Variants in COL4A6 observed in about 807,000 individuals in gnomAD.
The protein encoded by COL4A6 is collagen alpha-6(IV) chain.
A neutral mutation model predicts 126.7 loss-of-function variants in COL4A6; 59 were observed. That is an observed-to-expected ratio of 0.47 (90% confidence interval 0.38 to 0.58). The LOEUF (loss-of-function observed/expected upper bound fraction) is 0.58, where lower values mean the gene tolerates loss of function less well. COL4A6 is among the 20% of genes least tolerant of loss of function. COL4A6 has a pLI of 0.00. For synonymous variants in COL4A6, 547 were observed against 496.6 expected (o/e 1.10, Z -1.35); for missense variants, 1,285 against 1,337.3 (o/e 0.96, Z 0.61).
intron 3 of COL4A6, among the ~76,000 whole-genome samples, chrX:108,281,978 C>T (rs767958614): frequency 9.1e-6 from 1 of 110,335 alleles, no homozygotes; most frequent in South Asian, 3.9e-4. Context: ...TTCCTTACAC[C>T]TTATACAAAA....
chrX:108,382,962 A>AAATAATAATAAT (rs4035941), intron 2 of COL4A6, among the ~76,000 whole-genome samples: 6,776 of 88,180 alleles, frequency 0.077, 294 homozygotes, highest in Middle Eastern at 0.13. Context: ...CCCCCGCCAA[A>AAATAATAATAAT]AATAATAATA....
At chrX:108,375,603 A>G (rs145118754) in intron 2 of COL4A6, among the ~76,000 whole-genome samples, 188 of 109,563 alleles carry the variant, frequency 1.7e-3, no homozygotes, top group African/African-American at 5.9e-3. Context: ...GATTTCTAAC[A>G]TTTGCAGTTC....
intron 3 of COL4A6, among the ~76,000 whole-genome samples, chrX:108,272,171 T>C (rs913231286): frequency 8.9e-6 from 1 of 111,746 alleles, no homozygotes; most frequent in East Asian, 2.8e-4. Flanking sequence ...TGTTCCCTCA[T>C]GATTTGCTTA....
chrX:108,427,433 C>T (rs1489153298), intron 2 of COL4A6, among the ~76,000 whole-genome samples: 2 of 111,681 alleles, frequency 1.8e-5, no homozygotes, highest in Non-Finnish European at 3.8e-5. Flanking sequence ...ACTTAACTTC[C>T]TAAGAGAAGA....
chrX:108,204,953 T>C (rs774816717), intron 11 of COL4A6, among the ~76,000 whole-genome samples: 1 of 104,944 alleles, frequency 9.5e-6, no homozygotes, highest in Non-Finnish European at 2.0e-5. Flanking sequence ...TAAAAGAGAA[T>C]GGTGAAAGAG....
chrX:108,159,450 G>A lies in COL4A6; in HGVS notation c.4812+12C>T, dbSNP rs1045170192. 2.5e-6 allele frequency: 3 copies of A among 1,211,521 alleles called. No homozygotes were observed. The highest frequency in any genetic ancestry group is 3.4e-6 in the Non-Finnish European group (3 of 895,195). On this transcript the variant is annotated intron_variant, in intron 44 of 44. Coordinates refer to ENST00000334504, the MANE Select transcript of COL4A6 (RefSeq NM_033641.4). ...GCCTCCAACTGGGGGAGGAGACAGT[G>A]CAGGACCTTACCATGAGGAAAGAGT...
chrX:108,328,450 A>G (rs1569427378), intron 2 of COL4A6, among the ~76,000 whole-genome samples: 1 of 110,631 alleles, frequency 9.0e-6, no homozygotes, highest in African/African-American at 3.3e-5. Context: ...AGAGAGAGAA[A>G]TGGAATATGA....
intron 18 of COL4A6, 36 bp downstream of exon 18, chrX:108,192,436 GA>G: frequency 9.9e-7 from 1 of 1,010,117 alleles, no homozygotes; most frequent in Non-Finnish European, 1.4e-6. Context: ...GTGTATAGAG[GA>G]CTGATCTGTG....
intron 2 of COL4A6, among the ~76,000 whole-genome samples, chrX:108,344,040 G>C (rs2039653385): frequency 9.0e-6 from 1 of 110,812 alleles, no homozygotes; most frequent in Non-Finnish European, 1.9e-5. Flanking sequence ...CCACTTTACT[G>C]GTTGTAGTTA....
chrX:108,189,264 G>A (rs1310191549), intron 20 of COL4A6, among the ~76,000 whole-genome samples: 2 of 112,122 alleles, frequency 1.8e-5, no homozygotes, highest in African/African-American at 6.5e-5. Context: ...AAAACTCTAA[G>A]AGAATAGTCT....
At position 108,191,392 on chromosome X, in the gene COL4A6, C is replaced by T. The variant is rs1273892576; in HGVS notation, c.1321+1G>A. On this transcript the variant is annotated splice_donor_variant, in intron 19 of 44. Coordinates refer to ENST00000334504, the MANE Select transcript of COL4A6 (RefSeq NM_033641.4). LOFTEE classifies it high-confidence loss of function. ...ACCAAAAAGAGAAATGAGTAACTTA[C>T]TAGGTGGGCCTGGTGGACCTGGTGG... is the stretch of plus-strand genomic sequence containing the variant. 1 of 1,207,021 alleles carries T rather than the reference C, an allele frequency of 8.3e-7. No homozygotes were observed. Among genetic ancestry groups the T allele is most frequent in the Non-Finnish European group, 1.1e-6 (1 of 894,015 alleles).
At chrX:108,400,565 G>T (rs1204412421) in intron 2 of COL4A6, among the ~76,000 whole-genome samples, 2 of 111,140 alleles carry the variant, frequency 1.8e-5, no homozygotes, top group Admixed American at 1.9e-4. Flanking sequence ...AGAGAAAAAT[G>T]CCTTTTGCAA....
At chrX:108,169,657 T>C in intron 36 of COL4A6, 37 bp from the exon 37 acceptor site, 2 of 1,180,870 alleles carry the variant, frequency 1.7e-6, no homozygotes, top group South Asian at 1.9e-5. Flanking sequence ...CAGACCTCAG[T>C]GGAGGTGAGG....
chrX:108,429,058 G>T (rs1488767948), intron 2 of COL4A6, among the ~76,000 whole-genome samples: 1 of 112,285 alleles, frequency 8.9e-6, no homozygotes, highest in African/African-American at 3.2e-5. Flanking sequence ...GACTGATGAA[G>T]AGAGAATTAA....
intron 25 of COL4A6, 46 bp downstream of exon 25, chrX:108,180,469 A>T: frequency 5.8e-6 from 6 of 1,034,292 alleles, no homozygotes; most frequent in Non-Finnish European, 8.1e-6. Context: ...ACACACACAC[A>T]CATACACACA....
At chrX:108,164,734 C>T in intron 39 of COL4A6, 36 bp from the exon 40 acceptor site, 1 of 1,197,518 alleles carries the variant, frequency 8.4e-7, no homozygotes, top group South Asian at 1.8e-5. Context: ...CAGGTCCCGG[C>T]ATGGTAGGGG....
At chrX:108,326,117 C>A (rs747779439) in intron 2 of COL4A6, among the ~76,000 whole-genome samples, 1 of 111,964 alleles carries the variant, frequency 8.9e-6, no homozygotes, top group Admixed American at 9.5e-5. Context: ...CAAAACAAGT[C>A]TTTATTCACA....
Position 108,431,467 on chromosome X carries a change from G to A in COL4A6, c.63+6475C>T, listed in dbSNP as rs1013032126. Among the ~76,000 whole-genome samples the A allele has an allele frequency of 8.0e-5, 9 of 111,813 alleles. No homozygotes were observed. The East Asian group carries it at 2.5e-3, about 31-fold the overall frequency. Reference sequence around the variant, plus strand: ...TTGAAATCCTGAAAACTGAATTCTGGGGAAGTGTGTTTTTGGTCGCAGATG... The same window carrying A: ...TTGAAATCCTGAAAACTGAATTCTGAGGAAGTGTGTTTTTGGTCGCAGATG... On this transcript the variant is annotated intron_variant, in intron 2 of 44. Coordinates refer to ENST00000334504, the MANE Select transcript of COL4A6 (RefSeq NM_033641.4).
At chrX:108,419,828 C>A (rs1267582688) in intron 2 of COL4A6, among the ~76,000 whole-genome samples, 4 of 111,474 alleles carry the variant, frequency 3.6e-5, no homozygotes, top group Non-Finnish European at 7.5e-5. Context: ...TATCTTTGTC[C>A]ATCGCTACAG....
Sources: allele counts gnomAD v4.1 joint callset (sites outside exome capture counted in the v4.1 genomes callset), GRCh38; gene constraint gnomAD v4.1.1; transcripts MANE v1.5; gene names NCBI Gene and HGNC (gene_info 2026-07-23, HGNC 2026-07-21).